The following ABCC1 variants were observed in gnomAD, a reference collection of about 807,000 sequenced individuals.
ABCC1 encodes multidrug resistance-associated protein 1.
Under a neutral mutation model 172.9 loss-of-function variants are expected in ABCC1, and 83 were observed. That is an observed-to-expected ratio of 0.48 (90% CI 0.40 to 0.58). ABCC1 has a LOEUF of 0.58. Among genes scored for constraint, ABCC1 ranks in the 20% least tolerant of loss-of-function variants. ABCC1 has a pLI of 0.00. For synonymous variants in ABCC1, 937 were observed against 825.2 expected (o/e 1.14, Z -2.32); for missense variants, 1,817 against 2,002.7 (o/e 0.91, Z 1.77).
At chr16:16,052,636 C>A in intron 10 of ABCC1, 88 bp from the exon 11 acceptor site, 1 of 1,288,290 alleles carries the variant, frequency 7.8e-7, no homozygotes, top group Non-Finnish European at 1.1e-6. Flanking sequence ...CAGCAGCATC[C>A]ACGTGGGATG....
chr16:16,022,480 A>G (rs1252133404), intron 5 of ABCC1, among the ~76,000 whole-genome samples: 1 of 152,078 alleles, frequency 6.6e-6, no homozygotes, highest in Non-Finnish European at 1.5e-5. Flanking sequence ...ATCAAGGCCA[A>G]AGGAGATCAT....
intron 1 of ABCC1, among the ~76,000 whole-genome samples, chr16:16,002,817 A>C (rs559281300): frequency 6.6e-6 from 1 of 152,290 alleles, no homozygotes; most frequent in African/African-American, 2.4e-5. Context: ...CTAAGTAAAA[A>C]AAAGCAAGGT....
intron 14 of ABCC1, among the ~76,000 whole-genome samples, chr16:16,074,725 C>T (rs1371982438): frequency 6.6e-6 from 1 of 152,146 alleles, no homozygotes; most frequent in East Asian, 1.9e-4. Context: ...AATAGCAACT[C>T]CCAGTTTCCT....
At chr16:16,069,589 A>C (rs1014028958) in intron 13 of ABCC1, among the ~76,000 whole-genome samples, 1 of 152,112 alleles carries the variant, frequency 6.6e-6, no homozygotes, top group Non-Finnish European at 1.5e-5. Context: ...ACATAGGCAA[A>C]TCAACCGTAA....
chr16:16,086,286 C>A (rs986822736), intron 17 of ABCC1, among the ~76,000 whole-genome samples: 1 of 152,212 alleles, frequency 6.6e-6, no homozygotes, highest in Non-Finnish European at 1.5e-5. Flanking sequence ...GGGCTAAACC[C>A]TGTGCCTGTG....
intron 1 of ABCC1, among the ~76,000 whole-genome samples, chr16:15,987,019 C>T (rs961951564): frequency 7.9e-5 from 12 of 151,926 alleles, no homozygotes; most frequent in African/African-American, 2.9e-4. Flanking sequence ...AGAAAAATTA[C>T]CTGGGTGTGA....
Position 16,142,448 on chromosome 16 carries a change from AT to A in ABCC1, c.*1168del, listed in dbSNP as rs960870629. The A allele has an allele frequency of 2.6e-5, 4 of 152,204 alleles. No individual in the cohort carries two copies. The highest frequency in any genetic ancestry group is 9.6e-5 in the African/African-American group (4 of 41,454). The allele number at this position is 152,204 out of a possible 1,614,324, so 9.4% of individuals were successfully genotyped here. A position where few individuals can be genotyped will look rare whatever the true frequency, so the allele number is the denominator to read the frequency against. ...AGTATTACCAGTGGGTACCAAAAAA[AT>A]GTCCCCTTGAGTCTTTTCCTTGTTT... On this transcript the variant is annotated 3_prime_UTR_variant, in exon 31 of 31. Transcript: ENST00000399410.
intron 18 of ABCC1, 58 bp from the exon 19 acceptor site, chr16:16,090,347 A>T: frequency 6.7e-7 from 1 of 1,482,804 alleles, no homozygotes; most frequent in Non-Finnish European, 9.0e-7. Context: ...TCACTCTGCC[A>T]AGCTAGGCAG....
intron 1 of ABCC1, among the ~76,000 whole-genome samples, chr16:15,960,319 A>G (rs2046099484): frequency 6.6e-6 from 1 of 152,024 alleles, no homozygotes; most frequent in African/African-American, 2.4e-5. Flanking sequence ...CTTGAGCTCA[A>G]GCAGTCTCCC....
chr16:16,036,987 A>G (rs1330566419), intron 7 of ABCC1, among the ~76,000 whole-genome samples: 1 of 152,072 alleles, frequency 6.6e-6, no homozygotes, highest in Non-Finnish European at 1.5e-5. Flanking sequence ...GCCTGTAATC[A>G]TAGCTACTCA....
intron 12 of ABCC1, among the ~76,000 whole-genome samples, chr16:16,057,342 C>A: frequency 6.7e-6 from 1 of 148,724 alleles, no homozygotes; most frequent in African/African-American, 2.5e-5. Flanking sequence ...CTGGGCAACA[C>A]AGCAAGACCC....
At chr16:16,103,167 T>A (rs1436280722) in intron 20 of ABCC1, among the ~76,000 whole-genome samples, 1 of 152,030 alleles carries the variant, frequency 6.6e-6, no homozygotes, top group Non-Finnish European at 1.5e-5. Context: ...GTGGGTAACA[T>A]AGCAAGACCT....
chr16:16,016,743 A>G, intron 5 of ABCC1, 122 bp downstream of exon 5: 2 of 1,379,072 alleles, frequency 1.5e-6, no homozygotes, highest in South Asian at 2.7e-5. Context: ...AACCCCTGAT[A>G]CAGGGAATAT....
At chr16:15,979,364 G>T (rs112077386) in intron 1 of ABCC1, among the ~76,000 whole-genome samples, 4 of 152,162 alleles carry the variant, frequency 2.6e-5, no homozygotes, top group Middle Eastern at 3.4e-3. Context: ...GATGAGATAC[G>T]CTCTTCCTGA....
rs1432348340 is a variant in ABCC1 at position 16,141,159 on chromosome 16, C to G, written c.4488-14C>G. The G allele has an allele frequency of 6.2e-7, 1 of 1,611,974 alleles. No homozygotes were observed. Among genetic ancestry groups the G allele is most frequent in the Admixed American group, 1.7e-5 (1 of 59,976 alleles). On this transcript the variant is annotated splice_polypyrimidine_tract_variant and intron_variant, in intron 30 of 30. Coordinates refer to ENST00000399410, the MANE Select transcript of ABCC1 (RefSeq NM_004996.4). ...CCTCCCCTTCCCCTCATGTCTGTAT[C>G]CCCTCTCCCTCAGGGTGATCGTCTT...
chr16:15,983,521 C>T (rs912914085), intron 1 of ABCC1, among the ~76,000 whole-genome samples: 2 of 147,986 alleles, frequency 1.4e-5, no homozygotes, highest in Non-Finnish European at 1.5e-5. Context: ...ATGAACTGAG[C>T]AAATCACATG....
upstream of ABCC1, chr16:15,949,611 G>GCGTCGCCGCCGCCGCCGC (rs2045810605): frequency 6.1e-6 from 1 of 163,454 alleles, no homozygotes; most frequent in South Asian, 1.8e-4. Flanking sequence ...CCGGCTCCCT[G>GCGTCGCCGCCGCCGCCGC]CGCCGCCGCC....
chr16:16,104,687 C>T (rs976252692), intron 20 of ABCC1, among the ~76,000 whole-genome samples: 1 of 152,184 alleles, frequency 6.6e-6, no homozygotes, highest in Non-Finnish European at 1.5e-5. Flanking sequence ...AGCCCTTGGG[C>T]GGTGGAAGGG....
chr16:16,096,018 G>A (rs9935219), intron 19 of ABCC1, among the ~76,000 whole-genome samples: 1,777 of 152,260 alleles, frequency 0.012, 39 homozygotes, highest in African/African-American at 0.041. Context: ...TGTAATGCCA[G>A]GACTTTGGGA....
Sources: allele counts gnomAD v4.1 joint callset (sites outside exome capture counted in the v4.1 genomes callset), GRCh38; gene constraint gnomAD v4.1.1; transcripts MANE v1.5; gene names NCBI Gene and HGNC (gene_info 2026-07-23, HGNC 2026-07-21).